The following OR52N4 variants were observed in gnomAD, a reference collection of about 807,000 sequenced individuals.
OR52N4 encodes olfactory receptor 52N4.
A neutral mutation model predicts 15.0 loss-of-function variants in OR52N4; 15 were observed. The ratio of observed to expected loss-of-function variants is 1.00; its 90% CI spans 0.67 to 1.54. OR52N4 has a LOEUF of 1.54. Among genes scored for constraint, OR52N4 ranks in the 40% most tolerant of loss-of-function variants. OR52N4 has a pLI of 0.00. For missense variants in OR52N4, 421 were observed against 394.0 expected, an observed-to-expected ratio of 1.07 and a Z score of -0.58; for synonymous variants, 143 against 143.7, an observed-to-expected ratio of 1.00 and a Z score of 0.03.
chr11:5,735,180 G>A, the OR52N4 span, among the ~76,000 whole-genome samples: 1 of 151,860 alleles, frequency 6.6e-6, no homozygotes, highest in Non-Finnish European at 1.5e-5. Flanking sequence ...ACCTGCAATA[G>A]CTTCCACCAT....
upstream of OR52N4, among the ~76,000 whole-genome samples, chr11:5,752,160 T>C (rs774735415): frequency 7.2e-5 from 11 of 152,196 alleles, no homozygotes; most frequent in Non-Finnish European, 1.5e-4. Flanking sequence ...TCTGGAAGCA[T>C]CTGTCCTCTT....
the OR52N4 span, among the ~76,000 whole-genome samples, chr11:5,739,898 TG>T: frequency 7.8e-6 from 1 of 128,372 alleles, no homozygotes; most frequent in African/African-American, 2.8e-5. Context: ...GGTCAACTTT[TG>T]CATGAGGACT....
chr11:5,729,561 G>T, the OR52N4 span, among the ~76,000 whole-genome samples: 3 of 152,074 alleles, frequency 2.0e-5, no homozygotes, highest in Non-Finnish European at 4.4e-5. Flanking sequence ...ATCTTATACT[G>T]TATCATGGGT....
At chr11:5,738,525 A>G in the OR52N4 span, 4 of 149,288 alleles carry the variant, frequency 2.7e-5, no homozygotes, top group South Asian at 4.2e-4. Context: ...TCAAACTCAC[A>G]TTTCTTTGTG....
At chr11:5,732,537 CCTT>C in the OR52N4 span, among the ~76,000 whole-genome samples, 15 of 152,098 alleles carry the variant, frequency 9.9e-5, no homozygotes, top group African/African-American at 3.4e-4. Context: ...AATTTCTTTG[CCTT>C]CTTCTTTAAA....
the OR52N4 span, chr11:5,726,808 G>T: frequency 0.17 from 26,234 of 154,610 alleles, 2,420 homozygotes; most frequent in Admixed American, 0.27. Context: ...GCCTGGCACA[G>T]ATGTTCTTCA....
At chr11:5,741,844 G>A in the OR52N4 span, among the ~76,000 whole-genome samples, 20,425 of 152,108 alleles carry the variant, frequency 0.13, 1,587 homozygotes, top group African/African-American at 0.22. Context: ...CCTGTAGGGA[G>A]TTATGGAAAT....
rs778452064 is a variant in OR52N4 at position 5,755,147 on chromosome 11, C to T, written c.407C>T (p.Thr136Ile). 6 of 1,613,974 alleles carry T rather than the reference C, an allele frequency of 3.7e-6. No homozygotes were observed. In the Admixed American group the frequency reaches 1.0e-4, roughly 27 times the overall value. ...ATCTGCTACCCCTTACGCTATTCAACTATCCTCACCAATCCTGTAATTGCA... is the reference window on the plus strand; with the variant it reads ...ATCTGCTACCCCTTACGCTATTCAATTATCCTCACCAATCCTGTAATTGCA... Reference protein sequence around the residue: ...VAICYPLRYSTILTNPVIAKV... With the variant: ...VAICYPLRYSIILTNPVIAKV... Residue 136 changes from threonine (T) to isoleucine (I), a missense_variant, in exon 2 of 2, where the codon ACT (threonine) becomes ATT (isoleucine). Coordinates refer to ENST00000641350, the MANE Select transcript of OR52N4 (RefSeq NM_001005175.5).
rs745869167 is a variant in OR52N4, at chr11:5,755,478, C to T, written c.738C>T (p.His246=). The change falls in exon 2 of 2, where the codon CAC becomes CAT. Residue 246 remains histidine (H), a synonymous_variant. Transcript: ENST00000641350. Reference sequence around the variant, plus strand: ...AGGCCTTTAATACCTGCACTGCCCACATTTGTGCCATTGTTTTCTCCTATA... The same window carrying T: ...AGGCCTTTAATACCTGCACTGCCCATATTTGTGCCATTGTTTTCTCCTATA... The part of the protein sequence containing the change: ...RQKAFNTCTA[H]ICAIVFSYTP... 3.1e-6 allele frequency: 5 copies of T among 1,614,052 alleles called. No individual in the cohort carries two copies. Among genetic ancestry groups the T allele is most frequent in the Non-Finnish European group, 4.2e-6 (5 of 1,179,928 alleles).
At chr11:5,751,258 A>G (rs1374913372), upstream of OR52N4, among the ~76,000 whole-genome samples, 1 of 152,008 alleles carries the variant, frequency 6.6e-6, no homozygotes, top group Non-Finnish European at 1.5e-5. Context: ...CTTATACTGC[A>G]TATATAATTT....
At chr11:5,734,196 G>A in the OR52N4 span, 7 of 456,032 alleles carry the variant, frequency 1.5e-5, no homozygotes, top group South Asian at 3.1e-5. Flanking sequence ...CTTCTGCCAC[G>A]CCTAGGATCC....
At chr11:5,736,579 C>G in the OR52N4 span, 1 of 1,613,920 alleles carries the variant, frequency 6.2e-7, no homozygotes. Context: ...TCTCTGAGTT[C>G]ATCCTGCTGG....
the OR52N4 span, chr11:5,736,684 C>G: frequency 6.2e-7 from 1 of 1,614,026 alleles, no homozygotes; most frequent in African/African-American, 1.3e-5. Context: ...TCATCCTCAT[C>G]ATCATCTGGC....
the OR52N4 span, among the ~76,000 whole-genome samples, chr11:5,747,272 C>A: frequency 6.6e-6 from 1 of 151,572 alleles, no homozygotes; most frequent in Non-Finnish European, 1.5e-5. Context: ...CAAGGCCAAC[C>A]AGCCTTTGCA....
chr11:5,748,629 T>C, the OR52N4 span, among the ~76,000 whole-genome samples: 1 of 152,026 alleles, frequency 6.6e-6, no homozygotes, highest in Admixed American at 6.5e-5. Flanking sequence ...CAGCCTGCTG[T>C]GGAAAGCAGA....
the OR52N4 span, among the ~76,000 whole-genome samples, chr11:5,744,589 C>T: frequency 6.6e-6 from 1 of 152,180 alleles, no homozygotes; most frequent in African/African-American, 2.4e-5. Flanking sequence ...CCCATATGCC[C>T]CTGAGGCCTA....
upstream of OR52N4, among the ~76,000 whole-genome samples, chr11:5,753,329 T>TA (rs1854226971): frequency 6.6e-6 from 1 of 152,136 alleles, no homozygotes; most frequent in Non-Finnish European, 1.5e-5. Flanking sequence ...TGTCACTACA[T>TA]ACCAAAAAAA....
chr11:5,729,114 A>T, the OR52N4 span, among the ~76,000 whole-genome samples: 33 of 82,912 alleles, frequency 4.0e-4, no homozygotes, highest in Admixed American at 8.8e-4. Context: ...TTAAATTGAG[A>T]TTTTTTTTTT....
the OR52N4 span, among the ~76,000 whole-genome samples, chr11:5,733,369 T>C: frequency 6.6e-6 from 1 of 152,148 alleles, no homozygotes; most frequent in South Asian, 2.1e-4. Context: ...TGTTGTTACC[T>C]TGACTATGCC....
Sources: allele counts gnomAD v4.1 joint callset (sites outside exome capture counted in the v4.1 genomes callset), GRCh38; gene constraint gnomAD v4.1.1; transcripts MANE v1.5; gene names NCBI Gene and HGNC (gene_info 2026-07-23, HGNC 2026-07-21).